PRCD: variants seen among roughly 807,000 people sequenced by gnomAD.
PRCD encodes photoreceptor disk component PRCD.
In PRCD, 12 loss-of-function variants were observed where a neutral mutation model predicts 10.1. The observed-to-expected ratio is 1.18, with a 90% confidence interval of 0.76 to 1.92. The LOEUF is 1.92. Ranked by LOEUF, PRCD falls within the 40% of genes most tolerant of loss-of-function variation. PRCD has a pLI of 0.00. For synonymous variants in PRCD, 31 were observed against 26.2 expected, an observed-to-expected ratio of 1.18 and a Z score of -0.56; for missense variants, 61 against 72.2, an observed-to-expected ratio of 0.84 and a Z score of 0.56.
At position 76,533,579 on chromosome 17, in the gene PRCD, C is replaced by G. The variant is rs554361709; in HGVS notation, n.45+5746C>G. On this transcript the variant is annotated intron_variant and non_coding_transcript_variant, in intron 1 of 4. Transcript: ENST00000397633. The surrounding 1 kb of genome is among the most constrained non-coding windows in gnomAD (Gnocchi z 4.5). ...TCTCTACAAAATACAAAAAATTAGC[C>G]AGGTGTGGTGGCACACACCTTTGAT... 1.3e-5 allele frequency among the ~76,000 whole-genome samples: 2 copies of G among 151,810 alleles called. No individual in the cohort carries two copies. The highest frequency in any genetic ancestry group is 2.9e-5 in the Non-Finnish European group (2 of 67,954).
chr17:76,535,169 C>A (rs2143109312), upstream of PRCD, among the ~76,000 whole-genome samples: 1 of 152,344 alleles, frequency 6.6e-6, no homozygotes, highest in South Asian at 2.1e-4. Context: ...TCCACCCCCA[C>A]CAATGTGGCA....
intron 1 of PRCD, chr17:76,527,937 C>G (rs143827746): frequency 7.7e-6 from 3 of 389,400 alleles, no homozygotes; most frequent in Non-Finnish European, 1.6e-5. Flanking sequence ...TGGGCTTTGC[C>G]GCCAAGCCGG....
Position 76,544,480 on chromosome 17 carries a change from G to C in PRCD, c.*830G>C. The C allele has an allele frequency of 2.2e-6, 1 of 455,826 alleles. No homozygotes were observed. The highest frequency in any genetic ancestry group is 1.5e-5 in the South Asian group (1 of 64,518). 28.2% of individuals were successfully genotyped at this position (455,826 alleles called of 1,614,324 possible). A position where few individuals can be genotyped will look rare whatever the true frequency, so the allele number is the denominator to read the frequency against. ...TGGTACCTCGGGGAGCCTGGCTGGG[G>C]TGTGTGCGAAGGCAGTTCTGTGGGA... On this transcript the variant is annotated 3_prime_UTR_variant, in exon 5 of 5. Transcript: ENST00000592014.
chr17:76,528,379 G>A lies in PRCD; in HGVS notation n.45+546G>A. The A allele has an allele frequency of 4.6e-6, 2 of 438,648 alleles. No homozygotes were observed. The highest frequency in any genetic ancestry group is 7.7e-6 in the Non-Finnish European group (2 of 258,152). 27.2% of individuals were successfully genotyped at this position (438,648 alleles called of 1,614,324 possible). On this transcript the variant is annotated intron_variant and non_coding_transcript_variant, in intron 1 of 4. Coordinates refer to the PRCD transcript ENST00000397633. The surrounding 1 kb of genome is among the most constrained non-coding windows in gnomAD (Gnocchi z 5.8). The stretch of plus-strand genomic sequence containing the variant: ...GCCCCGCTCTGCCCGCCGCGCTGGG[G>A]TCAGCATCCAGGCAGCCAGCGCCGC...
chr17:76,542,157 G>A lies in PRCD; in HGVS notation c.144-396G>A, dbSNP rs146940109. On this transcript the variant is annotated intron_variant, in intron 2 of 4. Transcript: ENST00000592014. ...TGGCTAATGCGGGATGCTCAGGCCC[G>A]ATTCCAGGCAGGGTCTCTTCTACAT... is the stretch of plus-strand genomic sequence containing the variant. Among the ~76,000 whole-genome samples, 597 of 152,194 alleles carry A rather than the reference G, an allele frequency of 3.9e-3. 1 individual carries two copies. The highest frequency in any genetic ancestry group is 0.013 in the African/African-American group (560 of 41,508).
upstream of PRCD, among the ~76,000 whole-genome samples, chr17:76,536,890 C>T (rs932125461): frequency 6.6e-5 from 10 of 152,286 alleles, no homozygotes; most frequent in African/African-American, 2.2e-4. Context: ...CTGGACCCCC[C>T]GGGCTCTCCT....
Position 76,530,502 on chromosome 17 carries a change from G to A in PRCD, n.45+2669G>A, listed in dbSNP as rs914725647. ...TGTGTGTGTGTGTGTATGTGTCCTC[G>A]TGATCCTCCGGGCTCTAGCCCTATT... On this transcript the variant is annotated intron_variant and non_coding_transcript_variant, in intron 1 of 4. Transcript: ENST00000397633. This position sits in a 1 kb window ranked among gnomAD's most constrained non-coding sequence, Gnocchi z 6.1. 1.2e-4 allele frequency among the ~76,000 whole-genome samples: 18 copies of A among 152,148 alleles called. No homozygotes were observed. Among genetic ancestry groups the A allele is most frequent in the African/African-American group, 4.3e-4 (18 of 41,422 alleles).
In PRCD at chr17:76,528,541, C is replaced by T. The variant is rs200763264; in HGVS notation, n.45+708C>T. 1.0e-4 allele frequency: 133 copies of T among 1,282,608 alleles called. No individual in the cohort carries two copies. Among genetic ancestry groups the T allele is most frequent in the Non-Finnish European group, 1.3e-4 (127 of 1,004,938 alleles). The allele number at this position is 1,282,608 out of a possible 1,614,324, so 79.5% of individuals were successfully genotyped here. On this transcript the variant is annotated intron_variant and non_coding_transcript_variant, in intron 1 of 4. Transcript: ENST00000397633. The surrounding 1 kb of genome is among the most constrained non-coding windows in gnomAD (Gnocchi z 5.8). ...GGTCTTCAGAACTCGGCCTTCTGCT[C>T]GAGGTGCTGCCAGGGAGGGGGGTGG...
chr17:76,531,795 C>T lies in PRCD; in HGVS notation n.45+3962C>T, dbSNP rs2074847999. The T allele has an allele frequency of 2.2e-6, 2 of 899,988 alleles. No individual in the cohort carries two copies. The highest frequency in any genetic ancestry group is 3.4e-6 in the Non-Finnish European group (2 of 588,174). 55.8% of individuals were successfully genotyped at this position (899,988 alleles called of 1,614,324 possible). A position where few individuals can be genotyped will look rare whatever the true frequency, so the allele number is the denominator to read the frequency against. On this transcript the variant is annotated intron_variant and non_coding_transcript_variant, in intron 1 of 4. Transcript: ENST00000397633. This position sits in a 1 kb window ranked among gnomAD's most constrained non-coding sequence, Gnocchi z 7.4. Reference sequence around the variant, plus strand: ...CTGAAGAAGTGGACCGCAGTGCTCCCCACCCCCGCACCGTCACTGTTTTCA... The same window carrying T: ...CTGAAGAAGTGGACCGCAGTGCTCCTCACCCCCGCACCGTCACTGTTTTCA...
chr17:76,547,667 TCA>T (rs1232013661), downstream of PRCD, among the ~76,000 whole-genome samples: 20 of 130,562 alleles, frequency 1.5e-4, no homozygotes, highest in African/African-American at 6.0e-4. Context: ...ACACACATAT[TCA>T]CACACAGAGA....
chr17:76,544,240 C>A lies in PRCD; in HGVS notation c.*590C>A, dbSNP rs144319284. 1.8e-3 allele frequency: 834 copies of A among 454,584 alleles called. 10 individuals are homozygous for A. Among genetic ancestry groups the A allele is most frequent in the South Asian group, 1.8e-3 (116 of 64,480 alleles). 28.2% of individuals were successfully genotyped at this position (454,584 alleles called of 1,614,324 possible). On this transcript the variant is annotated 3_prime_UTR_variant, in exon 5 of 5. Transcript: ENST00000592014. The stretch of plus-strand genomic sequence containing the variant: ...GCGTCTCTCCTCCCCAGCCAGCCCC[C>A]CTCCCAGCCCAGCGGCGATGTCTCT...
chr17:76,530,904 A>G lies in PRCD; in HGVS notation n.45+3071A>G. The G allele has an allele frequency of 6.8e-7, 1 of 1,463,274 alleles. No homozygotes were observed. Among genetic ancestry groups the G allele is most frequent in the Non-Finnish European group, 9.1e-7 (1 of 1,094,346 alleles). The allele number at this position is 1,463,274 out of a possible 1,614,324, so 90.6% of individuals were successfully genotyped here. On this transcript the variant is annotated intron_variant and non_coding_transcript_variant, in intron 1 of 4. Transcript: ENST00000397633. The surrounding 1 kb of genome is among the most constrained non-coding windows in gnomAD (Gnocchi z 6.1). ...AGGTGATCAGCCCCAGGGCCTCAGG[A>G]GATATGGGAGACCTCGGGGACAGCA...
At chr17:76,551,028 G>A (rs1012716123) in intron 1 of PRCD, 28 of 152,326 alleles carry the variant, frequency 1.8e-4, no homozygotes, top group African/African-American at 6.7e-4. Context: ...AGCAGAGCTG[G>A]GACTTTCCTC....
chr17:76,543,230 GC>G (rs1318474681), intron 4 of PRCD, 109 bp downstream of exon 4: 1 of 378,750 alleles, frequency 2.6e-6, no homozygotes, highest in Admixed American at 3.4e-5. Context: ...GAGCAGACGT[GC>G]TCGCTGCTCT....
At chr17:76,552,066 T>A (rs1156336625) in intron 1 of PRCD, 1 of 152,258 alleles carries the variant, frequency 6.6e-6, no homozygotes, top group Admixed American at 6.5e-5. Context: ...GCTCATTTTC[T>A]GTATTCTGCC....
In PRCD at chr17:76,540,475, G is replaced by A. The variant is rs747350100; in HGVS notation, c.75-30G>A. On this transcript the variant is annotated intron_variant, in intron 1 of 4. Coordinates refer to ENST00000592014, the MANE Select transcript of PRCD (RefSeq NM_001077620.3). The surrounding 1 kb of genome is among the most constrained non-coding windows in gnomAD (Gnocchi z 5.0). ...CAGTGAGGGGCTGGGCACAGCCATA[G>A]CTCTTCCTCCCTACTCTTGCCTCCC... The A allele has an allele frequency of 3.1e-6, 5 of 1,611,776 alleles. No homozygotes were observed. The highest frequency in any genetic ancestry group is 4.2e-6 in the Non-Finnish European group (5 of 1,178,458).
chr17:76,528,401 C>G lies in PRCD; in HGVS notation n.45+568C>G. ...GGGGTCAGCATCCAGGCAGCCAGCG[C>G]CGCCTCCCAGCAGCTCCAGGGGGGG... On this transcript the variant is annotated intron_variant and non_coding_transcript_variant, in intron 1 of 4. Transcript: ENST00000397633. This position sits in a 1 kb window ranked among gnomAD's most constrained non-coding sequence, Gnocchi z 5.8. 1.9e-6 allele frequency: 1 copy of G among 523,710 alleles called. No homozygotes were observed. Among genetic ancestry groups the G allele is most frequent in the Middle Eastern group, 4.4e-4 (1 of 2,294 alleles). 32.4% of individuals were successfully genotyped at this position (523,710 alleles called of 1,614,324 possible).
At position 76,542,639 on chromosome 17, in the gene PRCD, G is replaced by A. The variant is rs1303543618; in HGVS notation, c.*59+6G>A. Reference sequence around the variant, plus strand: ...GGATCAGCTGGCTCAGGCAGGTAGGGCAGGGCTGGGAGCCGGGGAGGGCAG... The same window carrying A: ...GGATCAGCTGGCTCAGGCAGGTAGGACAGGGCTGGGAGCCGGGGAGGGCAG... On this transcript the variant is annotated splice_donor_region_variant and intron_variant, in intron 3 of 4. Transcript: ENST00000592014. The A allele has an allele frequency of 2.5e-6, 4 of 1,592,216 alleles. No homozygotes were observed. In the South Asian group the frequency reaches 3.3e-5, roughly 13 times the overall value.
chr17:76,552,661 C>T lies in PRCD; in HGVS notation n.84-448C>T, dbSNP rs1340025389. On this transcript the variant is annotated intron_variant and non_coding_transcript_variant, in intron 1 of 1. Coordinates refer to the PRCD transcript ENST00000587063. Reference sequence around the variant, plus strand: ...GGTGGGTTACCTGAGGTCAGGAGTTCGAGACCAGCCTGGCCAGAATGGTGA... The same window carrying T: ...GGTGGGTTACCTGAGGTCAGGAGTTTGAGACCAGCCTGGCCAGAATGGTGA... 2.0e-5 allele frequency among the ~76,000 whole-genome samples: 3 copies of T among 151,284 alleles called. No homozygotes were observed. In the East Asian group the frequency reaches 5.9e-4, roughly 30 times the overall value.
Sources: allele counts gnomAD v4.1 joint callset (sites outside exome capture counted in the v4.1 genomes callset), GRCh38; gene constraint gnomAD v4.1.1; non-coding constraint Gnocchi (gnomAD v3.1); transcripts MANE v1.5; gene names NCBI Gene and HGNC (gene_info 2026-07-23, HGNC 2026-07-21).